The following SOX5 variants were observed in gnomAD, a reference collection of about 807,000 sequenced individuals.
SOX5 encodes the protein SRY-box transcription factor 5, also known as transcription factor SOX-5.
Under a neutral mutation model 92.0 loss-of-function variants are expected in SOX5, and 9 were observed. The observed-to-expected ratio is 0.10, with a 90% confidence interval of 0.06 to 0.17. SOX5 has a LOEUF of 0.17. SOX5 is among the 10% of genes least tolerant of loss of function. The pLI is 1.00. For synonymous variants in SOX5, 344 were observed against 336.3 expected (o/e 1.02, Z -0.25); for missense variants, 642 against 944.5 (o/e 0.68, Z 4.20).
intron 2 of SOX5, among the ~76,000 whole-genome samples, chr12:24,302,955 G>A (rs983949664): frequency 2.6e-5 from 4 of 152,014 alleles, no homozygotes; most frequent in African/African-American, 9.7e-5. Context: ...AAAAAAACCT[G>A]ATTTTCTGAA....
chr12:24,050,183 T>C (rs1957434070), intron 4 of SOX5, among the ~76,000 whole-genome samples: 2 of 150,290 alleles, frequency 1.3e-5, no homozygotes, highest in Admixed American at 1.3e-4. Flanking sequence ...TTTCTTAAAA[T>C]GTGGATTTTA....
At chr12:23,827,665 G>A (rs1167276265) in intron 3 of SOX5, among the ~76,000 whole-genome samples, 3 of 152,140 alleles carry the variant, frequency 2.0e-5, no homozygotes, top group African/African-American at 4.8e-5. Flanking sequence ...TTGGCACTGC[G>A]GATACAGTTC....
chr12:24,144,343 T>C (rs1344517739), intron 4 of SOX5, among the ~76,000 whole-genome samples: 1 of 151,988 alleles, frequency 6.6e-6, no homozygotes, highest in East Asian at 1.9e-4. Context: ...CAAATGAAAA[T>C]AGGGATCTGC....
At chr12:24,156,230 T>C (rs554884463) in intron 4 of SOX5, among the ~76,000 whole-genome samples, 1 of 152,234 alleles carries the variant, frequency 6.6e-6, no homozygotes, top group African/African-American at 2.4e-5. Context: ...CCTGAGATGA[T>C]AACAACCCAG....
intron 4 of SOX5, among the ~76,000 whole-genome samples, chr12:24,004,466 C>T (rs953214110): frequency 2.0e-5 from 3 of 151,978 alleles, no homozygotes; most frequent in African/African-American, 7.2e-5. Flanking sequence ...TATGAACAGA[C>T]ATTTCATCAA....
At chr12:23,779,508 CA>C (rs2095213714) in intron 3 of SOX5, among the ~76,000 whole-genome samples, 1 of 150,938 alleles carries the variant, frequency 6.6e-6, no homozygotes, top group Non-Finnish European at 1.5e-5. Context: ...AGTTTTTTAC[CA>C]AATTCAGAAG....
At chr12:24,426,889 G>C (rs1021966825) in intron 1 of SOX5, among the ~76,000 whole-genome samples, 2 of 151,942 alleles carry the variant, frequency 1.3e-5, no homozygotes, top group African/African-American at 4.8e-5. Flanking sequence ...AGTAAACTTT[G>C]ATTCATGCCT....
At chr12:24,172,448 A>G (rs1954308569) in intron 4 of SOX5, among the ~76,000 whole-genome samples, 1 of 152,112 alleles carries the variant, frequency 6.6e-6, no homozygotes, top group African/African-American at 2.4e-5. Flanking sequence ...CTGAGGTGGG[A>G]AAATCACCTG....
At chr12:23,929,946 C>T (rs1057407381) in intron 1 of SOX5, among the ~76,000 whole-genome samples, 1 of 151,796 alleles carries the variant, frequency 6.6e-6, no homozygotes, top group Non-Finnish European at 1.5e-5. Context: ...TAAAAGAGGA[C>T]AATCAACAGG....
chr12:24,034,601 A>T (rs1330965644), intron 4 of SOX5, among the ~76,000 whole-genome samples: 1 of 150,488 alleles, frequency 6.6e-6, no homozygotes, highest in Non-Finnish European at 1.5e-5. Flanking sequence ...GTGTAAGCAA[A>T]TACTTTCATA....
At chr12:23,745,502 T>C (rs1338817161) in intron 4 of SOX5, among the ~76,000 whole-genome samples, 1 of 152,140 alleles carries the variant, frequency 6.6e-6, no homozygotes, top group East Asian at 1.9e-4. Flanking sequence ...TATTGCGAAT[T>C]AACGAGGTCC....
intron 9 of SOX5, 78 bp downstream of exon 9, chr12:23,604,309 T>C: frequency 6.7e-7 from 1 of 1,501,018 alleles, no homozygotes; most frequent in Non-Finnish European, 9.2e-7. Flanking sequence ...GCTGCTGGCA[T>C]ACAATAGACA....
At chr12:24,030,860 T>C (rs953873411) in intron 4 of SOX5, among the ~76,000 whole-genome samples, 1 of 151,754 alleles carries the variant, frequency 6.6e-6, no homozygotes, top group Non-Finnish European at 1.5e-5. Context: ...AGACAAATCA[T>C]CAAGTTTAAA....
intron 4 of SOX5, among the ~76,000 whole-genome samples, chr12:24,201,224 C>A (rs998565079): frequency 2.6e-5 from 4 of 152,114 alleles, no homozygotes; most frequent in African/African-American, 9.7e-5. Context: ...CCAAGTCCAG[C>A]AAAAGTATTT....
chr12:23,757,502 A>C (rs1275433466), intron 3 of SOX5, among the ~76,000 whole-genome samples: 1 of 151,998 alleles, frequency 6.6e-6, no homozygotes, highest in East Asian at 1.9e-4. Context: ...CTACATTCCC[A>C]GTAAACAGTT....
At chr12:23,611,138 A>G (rs962590838) in intron 8 of SOX5, among the ~76,000 whole-genome samples, 2 of 152,034 alleles carry the variant, frequency 1.3e-5, no homozygotes, top group East Asian at 1.9e-4. Context: ...TATTTGACCA[A>G]TGTCTCCTCT....
intron 9 of SOX5, among the ~76,000 whole-genome samples, chr12:23,585,334 C>T (rs1950573577): frequency 6.6e-6 from 1 of 152,148 alleles, no homozygotes; most frequent in Non-Finnish European, 1.5e-5. Context: ...GGACTCACTG[C>T]TTTCTACTCA....
chr12:24,036,971 G>C (rs989047231), intron 4 of SOX5, among the ~76,000 whole-genome samples: 2 of 151,950 alleles, frequency 1.3e-5, no homozygotes, highest in South Asian at 4.2e-4. Context: ...TCTTTGCAAG[G>C]CATGTTATCA....
intron 11 of SOX5, among the ~76,000 whole-genome samples, chr12:23,553,342 A>G (rs1170485174): frequency 1.3e-5 from 2 of 152,058 alleles, no homozygotes; most frequent in South Asian, 2.1e-4. Flanking sequence ...TCCTTAAAAT[A>G]GAAAACCGCT....
Sources: gnomAD v4.1 joint callset for allele counts (sites outside exome capture counted in the v4.1 genomes callset) on GRCh38, gnomAD v4.1.1 for gene constraint, MANE v1.5 for transcripts, NCBI Gene and HGNC (gene_info 2026-07-23, HGNC 2026-07-21) for gene names.